Variants in PRKAR1B observed in about 807,000 individuals in gnomAD.
The protein encoded by PRKAR1B is cAMP-dependent protein kinase type I-beta regulatory subunit.
A neutral mutation model predicts 46.5 loss-of-function variants in PRKAR1B; 22 were observed. The ratio of observed to expected loss-of-function variants is 0.47; its 90% CI spans 0.34 to 0.68. The LOEUF is 0.68. Among genes scored for constraint, PRKAR1B ranks in the 30% least tolerant of loss-of-function variants. PRKAR1B has a pLI of 0.01. For synonymous variants in PRKAR1B, 259 were observed against 217.7 expected, an observed-to-expected ratio of 1.19 and a Z score of -1.67; for missense variants, 445 against 535.6, an observed-to-expected ratio of 0.83 and a Z score of 1.67.
intron 9 of PRKAR1B, among the ~76,000 whole-genome samples, chr7:576,825 G>C (rs1046400698): frequency 6.6e-6 from 1 of 152,120 alleles, no homozygotes; most frequent in Admixed American, 6.5e-5. Flanking sequence ...GCCCCTCAGG[G>C]AAGGGTAGTG....
intron 1 of PRKAR1B, among the ~76,000 whole-genome samples, chr7:715,775 G>A (rs1197821438): frequency 5.9e-5 from 9 of 151,996 alleles, no homozygotes; most frequent in Non-Finnish European, 1.0e-4. Flanking sequence ...CAGTGCAGTG[G>A]CGTGATCTCT....
intron 2 of PRKAR1B, among the ~76,000 whole-genome samples, chr7:701,423 A>G (rs1438983351): frequency 6.6e-6 from 1 of 152,176 alleles, no homozygotes; most frequent in Non-Finnish European, 1.5e-5. Flanking sequence ...ATGTCACTGG[A>G]GTCCCTGAAA....
At chr7:679,367 C>T (rs1005761099) in intron 3 of PRKAR1B, among the ~76,000 whole-genome samples, 1 of 152,218 alleles carries the variant, frequency 6.6e-6, no homozygotes, top group East Asian at 1.9e-4. Context: ...ACACTCTCCT[C>T]GTGTGCCGTG....
At chr7:698,572 C>A (rs1289398781) in intron 2 of PRKAR1B, among the ~76,000 whole-genome samples, 1 of 151,636 alleles carries the variant, frequency 6.6e-6, no homozygotes, top group East Asian at 1.9e-4. Flanking sequence ...GTGTGCACAT[C>A]CAGAGAGGTA....
chr7:710,509 A>AC (rs1184985009), intron 2 of PRKAR1B, among the ~76,000 whole-genome samples: 1 of 152,080 alleles, frequency 6.6e-6, no homozygotes, highest in Non-Finnish European at 1.5e-5. Flanking sequence ...CGGAGAGAAG[A>AC]CCGTGAGCAG....
At chr7:614,109 C>T (rs1297777487) in intron 4 of PRKAR1B, among the ~76,000 whole-genome samples, 1 of 152,214 alleles carries the variant, frequency 6.6e-6, no homozygotes, top group African/African-American at 2.4e-5. Context: ...GCAGACTCCA[C>T]GCCCCGCACG....
intron 7 of PRKAR1B, among the ~76,000 whole-genome samples, chr7:595,335 G>A (rs959130453): frequency 2.0e-5 from 3 of 151,812 alleles, no homozygotes; most frequent in Admixed American, 6.6e-5. Context: ...AGTCCCCCCC[G>A]CCCCACTCCG....
intron 1 of PRKAR1B, among the ~76,000 whole-genome samples, chr7:720,109 T>G (rs1781021774): frequency 7.1e-6 from 1 of 140,898 alleles, no homozygotes; most frequent in Admixed American, 8.2e-5. Context: ...CAGGCTGGAG[T>G]GCAGTGGCAC....
At chr7:699,887 TC>T (rs1436124567) in intron 2 of PRKAR1B, among the ~76,000 whole-genome samples, 2 of 152,114 alleles carry the variant, frequency 1.3e-5, no homozygotes, top group African/African-American at 4.8e-5. Flanking sequence ...GGAAGATGGC[TC>T]CAGCTGTGAC....
Position 555,462 on chromosome 7 carries a change from T to C in PRKAR1B, c.892-3992A>G, listed in dbSNP as rs945517978. On this transcript the variant is annotated intron_variant, in intron 9 of 10. Coordinates refer to ENST00000537384, the MANE Select transcript of PRKAR1B (RefSeq NM_001164760.2). ...ATTACCACACGGATGACTTTTTTAA[T>C]TGGAGGCATTCTCACTCTTCACACG... Among the ~76,000 whole-genome samples, 15 of 152,170 alleles carry C rather than the reference T, an allele frequency of 9.9e-5. 1 individual carries two copies.
intron 9 of PRKAR1B, among the ~76,000 whole-genome samples, chr7:563,700 G>A (rs1398091377): frequency 1.3e-5 from 2 of 151,984 alleles, no homozygotes; most frequent in African/African-American, 4.8e-5. Context: ...TGTCTGTGCG[G>A]TGTGTGCATG....
At chr7:723,086 G>C (rs967947002) in intron 1 of PRKAR1B, among the ~76,000 whole-genome samples, 1 of 152,196 alleles carries the variant, frequency 6.6e-6, no homozygotes. Flanking sequence ...CTTTTGCTGT[G>C]TCAGGACAGA....
chr7:616,991 CT>C (rs71016889), intron 4 of PRKAR1B, among the ~76,000 whole-genome samples: 1,291 of 114,556 alleles, frequency 0.011, 3 homozygotes, highest in African/African-American at 0.017. Context: ...CACCCAAGTG[CT>C]TTTTTTTTTT....
In PRKAR1B at chr7:664,434, G is replaced by A. The variant is rs141314135; in HGVS notation, c.440+12795C>T. Among the ~76,000 whole-genome samples, 1,052 of 152,308 alleles carry A rather than the reference G, an allele frequency of 6.9e-3. 12 individuals are homozygous for A. Among genetic ancestry groups the A allele is most frequent in the African/African-American group, 0.024 (996 of 41,568 alleles). ...CCTGCCCGGGGCAGTGGGCCTTCCT[G>A]CACCTTCTCTGGGCCTCGGGTCCCC... On this transcript the variant is annotated intron_variant, in intron 4 of 10. Coordinates refer to ENST00000537384, the MANE Select transcript of PRKAR1B (RefSeq NM_001164760.2).
chr7:613,180 C>A (rs1782622090), intron 4 of PRKAR1B, among the ~76,000 whole-genome samples: 1 of 149,194 alleles, frequency 6.7e-6, no homozygotes, highest in African/African-American at 2.5e-5. Flanking sequence ...CTAATAGCAA[C>A]TGTGGGGTGG....
At chr7:662,625 C>T (rs538104660) in intron 4 of PRKAR1B, among the ~76,000 whole-genome samples, 87 of 150,086 alleles carry the variant, frequency 5.8e-4, no homozygotes, top group African/African-American at 2.1e-3. Flanking sequence ...GATCCAAACA[C>T]CTACTCTCCC....
At chr7:628,027 G>A (rs939987731) in intron 4 of PRKAR1B, among the ~76,000 whole-genome samples, 17 of 152,036 alleles carry the variant, frequency 1.1e-4, no homozygotes, top group African/African-American at 4.1e-4. Context: ...ATCACAGGGG[G>A]ACAGCGGTGG....
At chr7:678,706 A>G (rs541900679) in intron 3 of PRKAR1B, among the ~76,000 whole-genome samples, 28 of 152,274 alleles carry the variant, frequency 1.8e-4, no homozygotes, top group Non-Finnish European at 3.7e-4. Context: ...TGCTGCGTGT[A>G]ACGCAGAGAG....
At chr7:559,874 A>C (rs988983138) in intron 9 of PRKAR1B, among the ~76,000 whole-genome samples, 5 of 152,224 alleles carry the variant, frequency 3.3e-5, no homozygotes, top group Non-Finnish European at 5.9e-5. Flanking sequence ...CCAGGTGTTC[A>C]AGGTCAGCCT....
Sources: allele counts gnomAD v4.1 joint callset (sites outside exome capture counted in the v4.1 genomes callset), GRCh38; gene constraint gnomAD v4.1.1; transcripts MANE v1.5; gene names NCBI Gene and HGNC (gene_info 2026-07-23, HGNC 2026-07-21).